Variants in RYR2 observed in about 807,000 individuals in gnomAD.
The protein encoded by RYR2 is ryanodine receptor 2.
A neutral mutation model predicts 601.1 loss-of-function variants in RYR2; 227 were observed. That is an observed-to-expected ratio of 0.38 (90% CI 0.34 to 0.42). The LOEUF (loss-of-function observed/expected upper bound fraction) is 0.42. RYR2 is among the 10% of genes least tolerant of loss of function. RYR2 has a pLI of 1.00. For missense variants in RYR2, 4,646 were observed against 6,156.5 expected (o/e 0.75, Z 8.21); for synonymous variants, 2,223 against 2,175.1 (o/e 1.02, Z -0.61).
At chr1:237,446,564 C>T (rs988565112) in intron 14 of RYR2, among the ~76,000 whole-genome samples, 4 of 151,990 alleles carry the variant, frequency 2.6e-5, no homozygotes, top group African/African-American at 9.6e-5. Context: ...TTTGGCTTTA[C>T]AGCATAAAAC....
intron 16 of RYR2, among the ~76,000 whole-genome samples, chr1:237,465,677 C>A (rs778029579): frequency 6.6e-6 from 1 of 152,120 alleles, no homozygotes; most frequent in Non-Finnish European, 1.5e-5. Context: ...TGGCCTACTG[C>A]GCGGCTACGC....
At position 237,709,333 on chromosome 1, in the gene RYR2, TA is replaced by T. The variant is rs1688634458; in HGVS notation, c.10143-144del. 5.9e-6 allele frequency: 4 copies of T among 677,422 alleles called. No homozygotes were observed. The African/African-American group carries it at 7.3e-5, about 12-fold the overall frequency. The allele number at this position is 677,422 out of a possible 1,614,324, so 42.0% of individuals were successfully genotyped here. On this transcript the variant is annotated intron_variant, in intron 69 of 104. Coordinates refer to ENST00000366574, the MANE Select transcript of RYR2 (RefSeq NM_001035.3). Reference sequence around the variant, plus strand: ...TTAACAGTTTGACAGTTATGATGTTTAAATTTTTTTTTAAATATTACAACAC... The same window carrying T: ...TTAACAGTTTGACAGTTATGATGTTTAATTTTTTTTTAAATATTACAACAC...
intron 19 of RYR2, 108 bp downstream of exon 19, chr1:237,493,195 GTAT>G: frequency 3.3e-6 from 4 of 1,225,782 alleles, no homozygotes; most frequent in Admixed American, 2.1e-5. Flanking sequence ...AGACCATATA[GTAT>G]TATTTTCTGT....
intron 1 of RYR2, among the ~76,000 whole-genome samples, chr1:237,129,366 A>G (rs1671901731): frequency 1.3e-5 from 2 of 152,206 alleles, no homozygotes; most frequent in African/African-American, 2.4e-5. Context: ...CTACTTGAAG[A>G]CAGATGTTAG....
Position 237,657,988 on chromosome 1 carries a change from C to A in RYR2, c.8174C>A (p.Ala2725Glu). The A allele has an allele frequency of 6.6e-7, 1 of 1,517,890 alleles. No individual in the cohort carries two copies. Among genetic ancestry groups the A allele is most frequent in the East Asian group, 2.6e-5 (1 of 38,608 alleles). 94.0% of individuals were successfully genotyped at this position (1,517,890 alleles called of 1,614,324 possible). Residue 2725 changes from alanine to glutamate, a missense_variant, in exon 54 of 105, where the codon GCA (alanine) becomes GAA (glutamate). Around this residue, in one of 17 missense-constraint regions of RYR2, gnomAD observed 1,497 missense variants for 1,842.6 expected, o/e 0.81. Transcript: ENST00000366574. The stretch of plus-strand genomic sequence containing the variant: ...TTGGAATACTTCATTAACAAATATG[C>A]AGAACACTCCCATGACAAATGGTCA... The part of the protein sequence containing the change: ...EKLEYFINKY[A>E]EHSHDKWSMD...
intron 1 of RYR2, among the ~76,000 whole-genome samples, chr1:237,251,294 T>C (rs578155073): frequency 3.7e-4 from 57 of 152,244 alleles, no homozygotes; most frequent in Admixed American, 1.7e-3. Context: ...CTGCTTCTCT[T>C]CTCATTCATT....
chr1:237,103,650 C>T (rs987812023), intron 1 of RYR2, among the ~76,000 whole-genome samples: 1 of 152,348 alleles, frequency 6.6e-6, no homozygotes, highest in East Asian at 1.9e-4. Flanking sequence ...CTCACTGCAA[C>T]ATCCACCTGC....
rs765455897 is a variant in RYR2 at position 237,819,362 on chromosome 1, C to T, written c.14590+170C>T. Among the ~76,000 whole-genome samples the T allele has an allele frequency of 3.3e-5, 5 of 152,096 alleles. No individual in the cohort carries two copies. Among genetic ancestry groups the T allele is most frequent in the East Asian group, 1.9e-4 (1 of 5,188 alleles). ...GCAATCTACCGGGGGAAATATAAAG[C>T]GGTATGGAACCCTGGTATGAAGGGA... is the stretch of plus-strand genomic sequence containing the variant. On this transcript the variant is annotated intron_variant, in intron 101 of 104. Transcript: ENST00000366574. This position sits in a 1 kb window ranked among gnomAD's most constrained non-coding sequence, Gnocchi z 4.0.
rs772385198 is a variant in RYR2, at chr1:237,631,409, G to A, written c.6441-18G>A. ...TGTTGCTCTGAGCTTTACCCCATAC[G>A]TCCATTGTCCTTTCTAGGGATATTA... On this transcript the variant is annotated intron_variant, in intron 41 of 104. Coordinates refer to ENST00000366574, the MANE Select transcript of RYR2 (RefSeq NM_001035.3). The A allele has an allele frequency of 1.5e-5, 22 of 1,508,910 alleles. No individual in the cohort carries two copies. Among genetic ancestry groups the A allele is most frequent in the Admixed American group, 8.5e-5 (5 of 59,100 alleles). 93.5% of individuals were successfully genotyped at this position (1,508,910 alleles called of 1,614,324 possible). A position where few individuals can be genotyped will look rare whatever the true frequency, so the allele number is the denominator to read the frequency against.
Position 237,343,068 on chromosome 1 carries a change from C to T in RYR2, c.273+12086C>T, listed in dbSNP as rs568953556. 1.3e-3 allele frequency among the ~76,000 whole-genome samples: 198 copies of T among 152,206 alleles called. 2 individuals carry two copies. The highest frequency in any genetic ancestry group is 2.1e-3 in the Non-Finnish European group (146 of 68,012). ...CAAAAGATAAAAAAAATTAGCTGGA[C>T]ATGGTGGCTAATAGCCATAGCCAGC... On this transcript the variant is annotated intron_variant, in intron 3 of 104. Coordinates refer to ENST00000366574, the MANE Select transcript of RYR2 (RefSeq NM_001035.3).
chr1:237,795,921 CGTATGTGTGT>C (rs1659149397), intron 96 of RYR2, among the ~76,000 whole-genome samples: 9 of 30,248 alleles, frequency 3.0e-4, no homozygotes, highest in Admixed American at 6.4e-4. Flanking sequence ...CATATGCACG[CGTATGTGTGT>C]ACATATGTAT....
chr1:237,655,120 T>C (rs904032755), intron 52 of RYR2, among the ~76,000 whole-genome samples: 1 of 152,222 alleles, frequency 6.6e-6, no homozygotes, highest in African/African-American at 2.4e-5. Context: ...AACACTTTAA[T>C]GCTTTTTCTT....
chr1:237,166,500 A>AT (rs5781937), intron 1 of RYR2, among the ~76,000 whole-genome samples: 140,349 of 151,186 alleles, frequency 0.93, 65,708 homozygotes, highest in Non-Finnish European at 0.99. Context: ...AATTATTTGC[A>AT]TTTTTTTTTA....
intron 1 of RYR2, among the ~76,000 whole-genome samples, chr1:237,160,242 G>A (rs1172487402): frequency 6.6e-6 from 1 of 152,178 alleles, no homozygotes; most frequent in Non-Finnish European, 1.5e-5. Context: ...AGGATCTGCA[G>A]GATACACATG....
At chr1:237,424,387 A>G (rs1705908938) in intron 12 of RYR2, among the ~76,000 whole-genome samples, 2 of 152,204 alleles carry the variant, frequency 1.3e-5, no homozygotes, top group Admixed American at 1.3e-4. Context: ...GCTCATTGAA[A>G]AGAAAAAAAC....
chr1:237,792,762 G>C (rs1658620594), intron 94 of RYR2, among the ~76,000 whole-genome samples: 1 of 152,108 alleles, frequency 6.6e-6, no homozygotes. Context: ...CCTATAACTT[G>C]GCCCTACAGA....
At chr1:237,768,287 A>G (rs895020679) in intron 84 of RYR2, among the ~76,000 whole-genome samples, 17 of 152,174 alleles carry the variant, frequency 1.1e-4, no homozygotes, top group Admixed American at 1.1e-3. Flanking sequence ...ATTTTTTAGT[A>G]TTATTGCCAC....
rs372703473 is a variant in RYR2 at position 237,678,103 on chromosome 1, C to G, written c.8886C>G (p.Phe2962Leu). ...TCCCTTATGAACAAGAAATCAAGTT[C>G]TTTGCAAAAGTACAGTATACAATCT... ...EHFPYEQEIKFFAKVVLPLID... is the reference protein window; with the variant it reads ...EHFPYEQEIKLFAKVVLPLID... Residue 2962 changes from phenylalanine (F) to leucine (L), a missense_variant, in exon 61 of 105, where the codon TTC becomes TTG. Physicochemically the swap from Phe to Leu is conservative, Grantham distance 22 (BLOSUM62 0). This residue lies in a region of RYR2 where 1,497 missense variants were observed against 1,842.6 expected (regional missense o/e 0.81). Transcript: ENST00000366574. 8 of 1,585,470 alleles carry G rather than the reference C, an allele frequency of 5.0e-6. No homozygotes were observed. The African/African-American group carries it at 5.4e-5, about 11-fold the overall frequency.
intron 10 of RYR2, among the ~76,000 whole-genome samples, chr1:237,388,910 G>A (rs894543656): frequency 6.6e-6 from 1 of 151,826 alleles, no homozygotes; most frequent in Non-Finnish European, 1.5e-5. Flanking sequence ...ATATTAACAT[G>A]GACACTTAGG....
Sources: allele counts gnomAD v4.1 joint callset (sites outside exome capture counted in the v4.1 genomes callset), GRCh38; gene constraint gnomAD v4.1.1; regional missense constraint gnomAD v4.1.1; non-coding constraint Gnocchi (gnomAD v3.1); transcripts MANE v1.5; gene names NCBI Gene and HGNC (gene_info 2026-07-23, HGNC 2026-07-21).